The following DENND1A variants were observed in gnomAD, a reference collection of about 807,000 sequenced individuals.
DENND1A encodes DENN domain-containing protein 1A.
Under a neutral mutation model 113.7 loss-of-function variants are expected in DENND1A, and 51 were observed. The ratio of observed to expected loss-of-function variants is 0.45; its 90% confidence interval spans 0.36 to 0.57. The LOEUF is 0.57. DENND1A is among the 20% of genes least tolerant of loss of function. The pLI, the probability that DENND1A is intolerant of heterozygous loss-of-function variation, is 0.00. For synonymous variants in DENND1A, 565 were observed against 570.8 expected (o/e 0.99, Z 0.14); for missense variants, 1,258 against 1,395.9 (o/e 0.90, Z 1.57).
chr9:123,680,145 C>T (rs1241107747), intron 5 of DENND1A, among the ~76,000 whole-genome samples: 1 of 152,114 alleles, frequency 6.6e-6, no homozygotes, highest in South Asian at 2.1e-4. Flanking sequence ...CATGGAGCAT[C>T]ATCATGACCC....
rs143678117 is a variant in DENND1A at position 123,573,650 on chromosome 9, G to A, written c.867+9519C>T. On this transcript the variant is annotated intron_variant, in intron 12 of 23. Transcript: ENST00000394215. Reference sequence around the variant, plus strand: ...GATTTTTGTATACTGACTTTATCCTGCACCCTTACTAAATTCATTTATGAG... The same window carrying A: ...GATTTTTGTATACTGACTTTATCCTACACCCTTACTAAATTCATTTATGAG... Among the ~76,000 whole-genome samples the A allele has an allele frequency of 4.8e-3, 730 of 152,052 alleles. 6 individuals are homozygous for A. The highest frequency in any genetic ancestry group is 0.017 in the African/African-American group (690 of 41,496).
At chr9:123,414,694 T>C in intron 19 of DENND1A, 1 of 1,424,122 alleles carries the variant, frequency 7.0e-7, no homozygotes, top group East Asian at 2.5e-5. Context: ...CCAAGTTTAT[T>C]TGAACATAGA....
At chr9:123,854,293 C>T (rs559969763) in intron 2 of DENND1A, among the ~76,000 whole-genome samples, 2 of 152,256 alleles carry the variant, frequency 1.3e-5, no homozygotes, top group African/African-American at 2.4e-5. Context: ...ATCCCAATCA[C>T]AACATTTGTA....
intron 5 of DENND1A, among the ~76,000 whole-genome samples, chr9:123,709,643 A>G (rs1343251944): frequency 6.6e-6 from 1 of 152,100 alleles, no homozygotes; most frequent in Non-Finnish European, 1.5e-5. Flanking sequence ...GTGATGGCCC[A>G]CCTATACACC....
intron 4 of DENND1A, among the ~76,000 whole-genome samples, chr9:123,758,926 G>A (rs1006920675): frequency 7.2e-5 from 11 of 151,940 alleles, no homozygotes; most frequent in South Asian, 2.1e-4. Flanking sequence ...TCAGCCTCCC[G>A]AGTACCTGGA....
intron 2 of DENND1A, among the ~76,000 whole-genome samples, chr9:123,816,607 C>G (rs994165904): frequency 2.0e-5 from 3 of 152,152 alleles, no homozygotes; most frequent in South Asian, 2.1e-4. Context: ...TGTGAGATCA[C>G]TAACAAATAT....
intron 5 of DENND1A, among the ~76,000 whole-genome samples, chr9:123,711,235 C>T (rs996799676): frequency 2.0e-5 from 3 of 151,462 alleles, no homozygotes; most frequent in African/African-American, 4.8e-5. Flanking sequence ...GAGGCTGAGG[C>T]GAGTGGATCA....
At chr9:123,740,487 G>C (rs1391395986) in intron 5 of DENND1A, among the ~76,000 whole-genome samples, 1 of 152,088 alleles carries the variant, frequency 6.6e-6, no homozygotes, top group African/African-American at 2.4e-5. Flanking sequence ...CCCTGAATGA[G>C]CAAGGAGATC....
intron 11 of DENND1A, among the ~76,000 whole-genome samples, chr9:123,597,078 C>T (rs938876982): frequency 6.6e-6 from 1 of 152,202 alleles, no homozygotes; most frequent in African/African-American, 2.4e-5. Context: ...GTCACCCTAT[C>T]ATAAAATAGG....
intron 9 of DENND1A, among the ~76,000 whole-genome samples, chr9:123,639,822 A>G (rs1200731958): frequency 6.6e-6 from 1 of 151,884 alleles, no homozygotes; most frequent in Non-Finnish European, 1.5e-5. Context: ...AGCCACCACC[A>G]TGACCACTGA....
intron 18 of DENND1A, among the ~76,000 whole-genome samples, chr9:123,445,725 C>A (rs1235604645): frequency 1.3e-5 from 2 of 152,148 alleles, no homozygotes; most frequent in Non-Finnish European, 2.9e-5. Context: ...CAAAAATTAG[C>A]CAGGTGTGAT....
intron 13 of DENND1A, among the ~76,000 whole-genome samples, chr9:123,469,426 G>A (rs2049216627): frequency 6.6e-6 from 1 of 152,238 alleles, no homozygotes; most frequent in South Asian, 2.1e-4. Flanking sequence ...GCCCCCACAC[G>A]CGCTTGCTAG....
intron 12 of DENND1A, among the ~76,000 whole-genome samples, chr9:123,569,110 C>T (rs1469660003): frequency 2.0e-5 from 3 of 152,152 alleles, no homozygotes; most frequent in South Asian, 2.1e-4. Context: ...ATTAATTACC[C>T]GGGGTAAAAT....
intron 5 of DENND1A, among the ~76,000 whole-genome samples, chr9:123,708,343 AGAG>A (rs2140886447): frequency 6.6e-6 from 1 of 152,314 alleles, no homozygotes; most frequent in Non-Finnish European, 1.5e-5. Flanking sequence ...TATTCTGGAT[AGAG>A]GACTGGAATT....
intron 12 of DENND1A, among the ~76,000 whole-genome samples, chr9:123,558,875 G>A (rs183513104): frequency 1.3e-5 from 2 of 152,274 alleles, no homozygotes; most frequent in African/African-American, 4.8e-5. Context: ...CCTATGTACC[G>A]AGGACTATGT....
chr9:123,824,640 G>A (rs1564344051), intron 2 of DENND1A, among the ~76,000 whole-genome samples: 2 of 152,086 alleles, frequency 1.3e-5, no homozygotes, highest in Non-Finnish European at 2.9e-5. Flanking sequence ...CCAAATGGGT[G>A]TTTATAGAGT....
chr9:123,448,775 A>G (rs1440480805), intron 18 of DENND1A, among the ~76,000 whole-genome samples: 4 of 152,252 alleles, frequency 2.6e-5, no homozygotes, highest in Non-Finnish European at 5.9e-5. Context: ...GCTGAAACTA[A>G]GAATTTAAAT....
intron 8 of DENND1A, among the ~76,000 whole-genome samples, chr9:123,659,319 C>G (rs754177358): frequency 1.3e-5 from 2 of 152,186 alleles, no homozygotes; most frequent in African/African-American, 2.4e-5. Flanking sequence ...GAGCCCTGGG[C>G]TCCATCTGCC....
At position 123,694,015 on chromosome 9, in the gene DENND1A, T is replaced by C. The variant is rs974669907; in HGVS notation, c.303-17226A>G. 2.0e-5 allele frequency among the ~76,000 whole-genome samples: 3 copies of C among 151,390 alleles called. No individual in the cohort carries two copies. The East Asian group carries it at 5.8e-4, about 29-fold the overall frequency. On this transcript the variant is annotated intron_variant, in intron 5 of 23. Transcript: ENST00000394215. ...GCTAAATTTTGTATTTTTTTTTTTT[T>C]AGTAGAGACAGGGTTTCATCATGTT...
Sources: allele counts gnomAD v4.1 joint callset (sites outside exome capture counted in the v4.1 genomes callset), GRCh38; gene constraint gnomAD v4.1.1; transcripts MANE v1.5; gene names NCBI Gene and HGNC (gene_info 2026-07-23, HGNC 2026-07-21).